Variants in HSD17B3 observed in about 807,000 individuals in gnomAD.
The protein encoded by HSD17B3 is hydroxysteroid 17-beta dehydrogenase 3, also known as 17-beta-hydroxysteroid dehydrogenase type 3.
In HSD17B3, 29 loss-of-function variants were observed where a neutral mutation model predicts 41.1. That is an observed-to-expected ratio of 0.71 (90% CI 0.53 to 0.96). The LOEUF is 0.96. Ranked by LOEUF, HSD17B3 falls within the 40% of genes least tolerant of loss-of-function variation. The probability of loss-of-function intolerance (pLI) is 0.00; values close to 1 mark genes in which losing one functional copy is unlikely to be tolerated. For missense variants in HSD17B3, 323 were observed against 374.6 expected (o/e 0.86, Z 1.14); for synonymous variants, 126 against 145.6 (o/e 0.87, Z 0.97).
intron 2 of HSD17B3, among the ~76,000 whole-genome samples, chr9:96,255,635 C>T (rs1825622130): frequency 6.6e-6 from 1 of 152,110 alleles, no homozygotes; most frequent in Non-Finnish European, 1.5e-5. Flanking sequence ...TGTGATCCGT[C>T]CGCCTCAGCC....
chr9:96,258,942 T>C (rs1012644411), intron 2 of HSD17B3, among the ~76,000 whole-genome samples: 3 of 152,206 alleles, frequency 2.0e-5, no homozygotes, highest in African/African-American at 7.2e-5. Flanking sequence ...GCAGACCCTA[T>C]TTCACATTTG....
chr9:96,254,733 C>T (rs1246083855), intron 3 of HSD17B3, 135 bp downstream of exon 3: 33 of 756,592 alleles, frequency 4.4e-5, no homozygotes, highest in Non-Finnish European at 7.0e-5. Flanking sequence ...GCTTTGTAAC[C>T]GGGCTCCCCA....
In HSD17B3 at chr9:96,240,909, T is replaced by C. The variant is rs1364013691; in HGVS notation, c.673-2A>G. The C allele has an allele frequency of 6.2e-7, 1 of 1,614,016 alleles. No individual in the cohort carries two copies. Among genetic ancestry groups the C allele is most frequent in the African/African-American group, 1.3e-5 (1 of 74,912 alleles). ...CGAGACAGCATATGGGGTCAGCACC[T>C]ACAACGGGAAACAAAGACCATGGCA... On this transcript the variant is annotated splice_acceptor_variant, in intron 9 of 10. Transcript: ENST00000375263. LOFTEE classifies it high-confidence loss of function.
chr9:96,246,063 A>G (rs1836649797), intron 7 of HSD17B3, among the ~76,000 whole-genome samples: 1 of 152,258 alleles, frequency 6.6e-6, no homozygotes, highest in African/African-American at 2.4e-5. Context: ...TAAGCTATCA[A>G]GCATTTGCTT....
chr9:96,280,453 A>G (rs1324328842), intron 2 of HSD17B3, among the ~76,000 whole-genome samples: 1 of 152,228 alleles, frequency 6.6e-6, no homozygotes, highest in Admixed American at 6.5e-5. Context: ...ATAGATGTTG[A>G]TGAACTCTGA....
At chr9:96,295,521 G>C (rs770755483) in intron 2 of HSD17B3, among the ~76,000 whole-genome samples, 1 of 151,848 alleles carries the variant, frequency 6.6e-6, no homozygotes, top group East Asian at 1.9e-4. Context: ...TGTAAGTAGA[G>C]ACGGAGTTTC....
intron 2 of HSD17B3, among the ~76,000 whole-genome samples, chr9:96,289,968 G>A (rs1827085054): frequency 6.6e-6 from 1 of 152,146 alleles, no homozygotes; most frequent in Admixed American, 6.5e-5. Context: ...GTCAAGGAAG[G>A]TGCTTGTAGC....
At chr9:96,252,416 G>A (rs774743864) in intron 4 of HSD17B3, among the ~76,000 whole-genome samples, 51 of 151,704 alleles carry the variant, frequency 3.4e-4, no homozygotes, top group African/African-American at 6.3e-4. Flanking sequence ...GGTAGCAGGC[G>A]CCTGTAGTCC....
intron 2 of HSD17B3, among the ~76,000 whole-genome samples, chr9:96,294,280 G>A (rs769495528): frequency 1.1e-4 from 17 of 152,002 alleles, no homozygotes; most frequent in African/African-American, 4.1e-4. Context: ...AAAAGGCAAA[G>A]AGGAAAAAAG....
chr9:96,297,821 T>C (rs989133939), intron 2 of HSD17B3, among the ~76,000 whole-genome samples: 2 of 152,206 alleles, frequency 1.3e-5, no homozygotes, highest in Non-Finnish European at 2.9e-5. Context: ...TTTATAATTA[T>C]AATAGCATAT....
intron 1 of HSD17B3, among the ~76,000 whole-genome samples, chr9:96,301,019 C>T (rs563082929): frequency 6.6e-6 from 1 of 152,272 alleles, no homozygotes; most frequent in Non-Finnish European, 1.5e-5. Context: ...GATGAGGATG[C>T]AGAAATTTCT....
intron 8 of HSD17B3, 142 bp from the exon 9 acceptor site, chr9:96,244,536 C>T (rs188842642): frequency 1.0e-4 from 78 of 773,688 alleles, no homozygotes; most frequent in East Asian, 4.0e-4. Context: ...ACGGAGGGTA[C>T]GGAGTTTCAG....
chr9:96,279,788 T>G (rs192316496), intron 2 of HSD17B3, among the ~76,000 whole-genome samples: 52 of 151,958 alleles, frequency 3.4e-4, no homozygotes, highest in Middle Eastern at 3.4e-3. Context: ...TTTTTTTTTT[T>G]AGATGGAGTC....
intron 10 of HSD17B3, among the ~76,000 whole-genome samples, chr9:96,235,868 C>T (rs1157208620): frequency 6.6e-6 from 1 of 151,962 alleles, no homozygotes; most frequent in Non-Finnish European, 1.5e-5. Flanking sequence ...TGCAGTGGCA[C>T]GATCACGACT....
chr9:96,242,553 A>G (rs1332824520), intron 9 of HSD17B3, among the ~76,000 whole-genome samples: 3 of 152,206 alleles, frequency 2.0e-5, no homozygotes, highest in African/African-American at 4.8e-5. Context: ...TCATGCATTC[A>G]GCGAGTATTT....
intron 2 of HSD17B3, among the ~76,000 whole-genome samples, chr9:96,263,583 G>C (rs1271883975): frequency 1.3e-5 from 2 of 151,394 alleles, no homozygotes; most frequent in Non-Finnish European, 2.9e-5. Context: ...AAATCAAAAA[G>C]CCAGGCGTGG....
intron 9 of HSD17B3, among the ~76,000 whole-genome samples, chr9:96,243,583 A>G (rs1836537361): frequency 6.6e-6 from 1 of 152,250 alleles, no homozygotes; most frequent in Admixed American, 6.5e-5. Flanking sequence ...AGTATATCGT[A>G]AAACTTCTTC....
At position 96,288,623 on chromosome 9, in the gene HSD17B3, C is replaced by A. The variant is rs1443789870; in HGVS notation, c.201+9793G>T. On this transcript the variant is annotated intron_variant, in intron 2 of 10. Transcript: ENST00000375263. ...CAGCAAGACACCCCCACCACCACCA[C>A]CATCTCTACAAAAATTAAAATTAAA... Among the ~76,000 whole-genome samples, 4 of 152,030 alleles carry A rather than the reference C, an allele frequency of 2.6e-5. No homozygotes were observed. The East Asian group carries it at 7.8e-4, about 30-fold the overall frequency.
rs567124350 is a variant in HSD17B3, at chr9:96,269,538, G to A, written c.202-14595C>T. Among the ~76,000 whole-genome samples the A allele has an allele frequency of 2.2e-4, 33 of 152,266 alleles. No homozygotes were observed. In the South Asian group the frequency reaches 4.6e-3, roughly 21 times the overall value. ...TATGTACTGAAGATAAATGAACCAT[G>A]TTCCATGGTTCATTTCATTCATCCA... On this transcript the variant is annotated intron_variant, in intron 2 of 10. Coordinates refer to ENST00000375263, the MANE Select transcript of HSD17B3 (RefSeq NM_000197.2).
Sources: allele counts gnomAD v4.1 joint callset (sites outside exome capture counted in the v4.1 genomes callset), GRCh38; gene constraint gnomAD v4.1.1; transcripts MANE v1.5; gene names NCBI Gene and HGNC (gene_info 2026-07-23, HGNC 2026-07-21).